PLGRKT: variants seen among roughly 807,000 people sequenced by gnomAD.
The protein encoded by PLGRKT is plasminogen receptor with a C-terminal lysine.
PLGRKT carries 22 observed loss-of-function variants against 18.5 expected under a neutral mutation model. The ratio of observed to expected loss-of-function variants is 1.19; its 90% confidence interval spans 0.85 to 1.70. The LOEUF is 1.70. Ranked by LOEUF, PLGRKT falls within the 40% of genes most tolerant of loss-of-function variation. The pLI is 0.00. For synonymous variants in PLGRKT, 72 were observed against 52.8 expected, an observed-to-expected ratio of 1.36 and a Z score of -1.58; for missense variants, 235 against 174.4, an observed-to-expected ratio of 1.35 and a Z score of -1.96.
chr9:5,363,461 C>A (rs1002648276), intron 3 of PLGRKT, among the ~76,000 whole-genome samples: 1 of 152,010 alleles, frequency 6.6e-6, no homozygotes, highest in Non-Finnish European at 1.5e-5. Flanking sequence ...CAATCTTCAG[C>A]TACCTTCTCT....
intron 3 of PLGRKT, among the ~76,000 whole-genome samples, chr9:5,365,043 T>A (rs185306226): frequency 2.0e-5 from 3 of 152,134 alleles, no homozygotes; most frequent in African/African-American, 7.2e-5. Flanking sequence ...TGACAGGGCA[T>A]AGAGGCAATA....
chr9:5,403,282 G>C (rs1296144137), intron 3 of PLGRKT, among the ~76,000 whole-genome samples: 4 of 145,286 alleles, frequency 2.8e-5, no homozygotes, highest in African/African-American at 5.2e-5. Flanking sequence ...GGAGTACAAT[G>C]GTGCGATCTC....
chr9:5,388,567 TG>T (rs2131105824), intron 3 of PLGRKT, among the ~76,000 whole-genome samples: 1 of 152,126 alleles, frequency 6.6e-6, no homozygotes, highest in Non-Finnish European at 1.5e-5. Context: ...CCCCAGCCCT[TG>T]AGGTTTTGAC....
At chr9:5,377,146 C>T (rs572654043) in intron 3 of PLGRKT, among the ~76,000 whole-genome samples, 3 of 152,128 alleles carry the variant, frequency 2.0e-5, no homozygotes, top group African/African-American at 7.2e-5. Flanking sequence ...CAATGACTTT[C>T]CTACATTGTG....
chr9:5,395,572 AG>A (rs1818028670), intron 3 of PLGRKT, among the ~76,000 whole-genome samples: 1 of 151,934 alleles, frequency 6.6e-6, no homozygotes, highest in South Asian at 2.1e-4. Context: ...GTAATATAAG[AG>A]CAGGTGAAAC....
At chr9:5,375,456 A>G (rs775086742) in intron 3 of PLGRKT, among the ~76,000 whole-genome samples, 58 of 152,224 alleles carry the variant, frequency 3.8e-4, no homozygotes, top group Admixed American at 1.2e-3. Context: ...AATAAAACAG[A>G]AAATGAATTC....
At chr9:5,414,865 G>A (rs1818429526) in intron 3 of PLGRKT, among the ~76,000 whole-genome samples, 1 of 152,218 alleles carries the variant, frequency 6.6e-6, no homozygotes. Flanking sequence ...AATGAAATGT[G>A]TCACACTGGA....
At chr9:5,433,988 G>GCCA (rs1586750920) in intron 2 of PLGRKT, among the ~76,000 whole-genome samples, 3 of 142,490 alleles carry the variant, frequency 2.1e-5, no homozygotes, top group Non-Finnish European at 3.0e-5. Flanking sequence ...CTGCCCGGCT[G>GCCA]CCCCGTCTGG....
At chr9:5,359,475 A>G (rs1817214604) in intron 5 of PLGRKT, among the ~76,000 whole-genome samples, 1 of 152,234 alleles carries the variant, frequency 6.6e-6, no homozygotes, top group Admixed American at 6.5e-5. Context: ...AATAGCAAGT[A>G]AAATTCATTA....
At position 5,394,964 on chromosome 9, in the gene PLGRKT, A is replaced by C. The variant is rs1818017785; in HGVS notation, c.82-33076T>G. Among the ~76,000 whole-genome samples the C allele has an allele frequency of 2.0e-5, 3 of 151,888 alleles. No homozygotes were observed. The South Asian group carries it at 6.2e-4, about 31-fold the overall frequency. On this transcript the variant is annotated intron_variant, in intron 3 of 5. Transcript: ENST00000223864. ...GTGGGCAGAGGGGCCCCCATTCTGC[A>C]AGGCTTTGCAGCAAGGCTACCCAAG... is the stretch of plus-strand genomic sequence containing the variant.
intron 3 of PLGRKT, among the ~76,000 whole-genome samples, chr9:5,417,926 G>A (rs890328008): frequency 1.1e-4 from 16 of 152,170 alleles, no homozygotes; most frequent in Non-Finnish European, 1.6e-4. Context: ...AGCCAGCACT[G>A]CATGTCTTAA....
chr9:5,358,715 T>C (rs1000947576), intron 5 of PLGRKT, among the ~76,000 whole-genome samples: 2 of 152,212 alleles, frequency 1.3e-5, no homozygotes, highest in Non-Finnish European at 2.9e-5. Flanking sequence ...TGTCCTTTAA[T>C]ATAAGTGACA....
rs991761467 is a variant in PLGRKT at position 5,436,662 on chromosome 9, C to A, written c.-100G>T. 2.0e-5 allele frequency: 3 copies of A among 152,198 alleles called. No homozygotes were observed. Among genetic ancestry groups the A allele is most frequent in the Admixed American group, 6.5e-5 (1 of 15,284 alleles). The allele number at this position is 152,198 out of a possible 1,614,324, so 9.4% of individuals were successfully genotyped here. A position where few individuals can be genotyped will look rare whatever the true frequency, so the allele number is the denominator to read the frequency against. The stretch of plus-strand genomic sequence containing the variant: ...GGAAGGGTTAAAGGTGGAAGCCAAG[C>A]AGGAAGAAGAGCTTCCTTATGGGAA... On this transcript the variant is annotated 5_prime_UTR_variant, in exon 2 of 6. Transcript: ENST00000223864.
intron 3 of PLGRKT, among the ~76,000 whole-genome samples, chr9:5,376,518 T>C (rs1181683220): frequency 2.6e-5 from 4 of 152,200 alleles, no homozygotes; most frequent in Non-Finnish European, 5.9e-5. Flanking sequence ...TACAACCCTA[T>C]GGCTGAATTT....
At chr9:5,410,795 T>C (rs1392541759) in intron 3 of PLGRKT, among the ~76,000 whole-genome samples, 2 of 152,100 alleles carry the variant, frequency 1.3e-5, no homozygotes, top group Non-Finnish European at 2.9e-5. Context: ...AGATTAGAAA[T>C]GGCATCAGTA....
intron 3 of PLGRKT, among the ~76,000 whole-genome samples, chr9:5,409,411 C>T (rs1487676805): frequency 2.0e-5 from 3 of 152,198 alleles, no homozygotes; most frequent in Non-Finnish European, 1.5e-5. Context: ...TGCTTCCTGA[C>T]CTTGAACATC....
intron 3 of PLGRKT, among the ~76,000 whole-genome samples, chr9:5,383,460 C>A (rs2104175): frequency 1.3e-5 from 2 of 152,006 alleles, no homozygotes; most frequent in Admixed American, 1.3e-4. Context: ...ACCAGGTTGA[C>A]GGATGGTTTC....
chr9:5,429,272 G>C (rs1818767151), intron 3 of PLGRKT, among the ~76,000 whole-genome samples: 1 of 152,094 alleles, frequency 6.6e-6, no homozygotes, highest in Non-Finnish European at 1.5e-5. Flanking sequence ...TAGAAACATA[G>C]AAGCCCAGGG....
At chr9:5,370,038 C>T (rs111247463) in intron 3 of PLGRKT, among the ~76,000 whole-genome samples, 4 of 151,882 alleles carry the variant, frequency 2.6e-5, no homozygotes, top group African/African-American at 9.7e-5. Context: ...ATGTAACAAA[C>T]CTGCACATTC....
Sources: allele counts gnomAD v4.1 joint callset (sites outside exome capture counted in the v4.1 genomes callset), GRCh38; gene constraint gnomAD v4.1.1; transcripts MANE v1.5; gene names NCBI Gene and HGNC (gene_info 2026-07-23, HGNC 2026-07-21).